The following DPP10 variants were observed in gnomAD, a reference collection of about 807,000 sequenced individuals.
DPP10 encodes the protein dipeptidyl peptidase like 10.
In DPP10, 33 loss-of-function variants were observed where a neutral mutation model predicts 120.9. The observed-to-expected ratio is 0.27, with a 90% confidence interval of 0.21 to 0.37. DPP10 has a LOEUF of 0.37. Among genes scored for constraint, DPP10 ranks in the 10% least tolerant of loss-of-function variants. DPP10 has a pLI of 1.00. For synonymous variants in DPP10, 337 were observed against 326.1 expected (o/e 1.03, Z -0.36); for missense variants, 816 against 942.8 (o/e 0.87, Z 1.76).
In DPP10 at chr2:115,438,756, T is replaced by C. The variant is rs112658410; in HGVS notation, c.272-60754T>C. Among the ~76,000 whole-genome samples the C allele has an allele frequency of 9.4e-5, 14 of 149,098 alleles. No homozygotes were observed. In the East Asian group the frequency reaches 1.4e-3, roughly 15 times the overall value. On this transcript the variant is annotated intron_variant, in intron 3 of 25. Transcript: ENST00000410059. Reference sequence around the variant, plus strand: ...GTCATGGAAGCACAATGTGGAATAGTGGCTAAGATGGTCATGGAAGCACAA... The same window carrying C: ...GTCATGGAAGCACAATGTGGAATAGCGGCTAAGATGGTCATGGAAGCACAA...
chr2:115,689,661 C>A, intron 5 of DPP10, 26 bp from the exon 6 acceptor site: 2 of 1,372,306 alleles, frequency 1.5e-6, no homozygotes, highest in South Asian at 2.6e-5. Flanking sequence ...AAGCTATGAT[C>A]AATAATGTTT....
rs181900956 is a variant in DPP10, at chr2:114,512,561, A to G, written c.60+69723A>G. On this transcript the variant is annotated intron_variant, in intron 1 of 25. Coordinates refer to ENST00000410059, the MANE Select transcript of DPP10 (RefSeq NM_020868.6). ...AAGTTGTTATAAGGATTGTGATACT[A>G]TACAGGAAAGTGCTAAATACCGCAG... is the stretch of plus-strand genomic sequence containing the variant. Among the ~76,000 whole-genome samples the G allele has an allele frequency of 1.9e-4, 29 of 152,358 alleles. No homozygotes were observed. The East Asian group carries it at 5.0e-3, about 26-fold the overall frequency.
At chr2:115,155,483 A>G (rs1460907845) in intron 1 of DPP10, among the ~76,000 whole-genome samples, 1 of 152,222 alleles carries the variant, frequency 6.6e-6, no homozygotes, top group Non-Finnish European at 1.5e-5. Context: ...AAACACTCTT[A>G]TAAGTGTTGC....
intron 3 of DPP10, among the ~76,000 whole-genome samples, chr2:115,367,320 T>A (rs1464743938): frequency 1.3e-5 from 2 of 151,956 alleles, no homozygotes; most frequent in South Asian, 4.1e-4. Context: ...ATGTTGGGAT[T>A]TTTAGTTAAA....
intron 19 of DPP10, among the ~76,000 whole-genome samples, chr2:115,797,364 C>T (rs373635658): frequency 6.6e-6 from 1 of 151,994 alleles, no homozygotes; most frequent in African/African-American, 2.4e-5. Flanking sequence ...AGGATGAAGA[C>T]ATATATATTC....
chr2:114,492,691 G>A lies in DPP10; in HGVS notation c.60+49853G>A, dbSNP rs1442854107. ...GTTAAAAGCAGTTTGCTTTCCATAC[G>A]CAATTCATTATATCAAATTGGATAG... On this transcript the variant is annotated intron_variant, in intron 1 of 25. Coordinates refer to ENST00000410059, the MANE Select transcript of DPP10 (RefSeq NM_020868.6). Among the ~76,000 whole-genome samples the A allele has an allele frequency of 2.0e-5, 3 of 152,094 alleles. 1 individual carries two copies. The highest frequency in any genetic ancestry group is 6.6e-5 in the Admixed American group (1 of 15,254).
intron 1 of DPP10, among the ~76,000 whole-genome samples, chr2:114,584,149 A>AT (rs2105106631): frequency 6.6e-6 from 1 of 152,320 alleles, no homozygotes; most frequent in East Asian, 1.9e-4. Flanking sequence ...CTGAGCATGC[A>AT]TTTTACCCTT....
chr2:114,767,021 A>G (rs1680764634), intron 1 of DPP10, among the ~76,000 whole-genome samples: 1 of 151,228 alleles, frequency 6.6e-6, no homozygotes, highest in Non-Finnish European at 1.5e-5. Context: ...TCAATTTCCT[A>G]GAGCGAAACT....
At chr2:115,289,778 GGAACACTGGATAGCCACAGGTGGAA>G (rs1216335706) in intron 1 of DPP10, among the ~76,000 whole-genome samples, 2 of 152,042 alleles carry the variant, frequency 1.3e-5, no homozygotes, top group Non-Finnish European at 2.9e-5. Flanking sequence ...CTTGGTTCTG[GGAACACTGGATAGCCACAGGTGGAA>G]GAACAAAACT....
intron 1 of DPP10, among the ~76,000 whole-genome samples, chr2:114,584,365 A>G (rs572734473): frequency 2.0e-5 from 3 of 152,154 alleles, no homozygotes; most frequent in East Asian, 3.9e-4. Context: ...ACCTCAGGTC[A>G]CCTGTTACAT....
intron 5 of DPP10, among the ~76,000 whole-genome samples, chr2:115,654,755 A>G (rs1363274823): frequency 6.6e-6 from 1 of 151,822 alleles, no homozygotes; most frequent in Non-Finnish European, 1.5e-5. Flanking sequence ...TAAACCAATC[A>G]ATATCTCTCA....
At chr2:115,432,045 A>G (rs146104229) in intron 3 of DPP10, among the ~76,000 whole-genome samples, 40 of 152,266 alleles carry the variant, frequency 2.6e-4, no homozygotes, top group African/African-American at 8.9e-4. Context: ...GTTAAGCTCT[A>G]TAAATTACCC....
rs770103500 is a variant in DPP10 at position 115,791,328 on chromosome 2, C to G, written c.1672C>G (p.Arg558Gly). ...QLSLPKDFMDRNQYALLLIMD... is the reference protein window; with the variant it reads ...QLSLPKDFMDGNQYALLLIMD... ...GTCCCTTCCCAAAGATTTTATGGAC[C>G]GAAACCAGTATGCTCTTCTGTTAAT... is the stretch of plus-strand genomic sequence containing the variant. Residue 558 changes from arginine to glycine, a missense_variant, in exon 19 of 26, where the codon CGA (arginine) becomes GGA (glycine). Physicochemically the swap from Arg to Gly is moderately radical, Grantham distance 125 (BLOSUM62 -2). This residue lies in a region of DPP10 where 592 missense variants were observed against 649.0 expected (regional missense o/e 0.91). Coordinates refer to ENST00000410059, the MANE Select transcript of DPP10 (RefSeq NM_020868.6). The G allele has an allele frequency of 1.2e-6, 2 of 1,611,072 alleles. No homozygotes were observed. Among genetic ancestry groups the G allele is most frequent in the Non-Finnish European group, 1.7e-6 (2 of 1,179,048 alleles).
intron 1 of DPP10, among the ~76,000 whole-genome samples, chr2:114,525,331 C>A (rs369852189): frequency 1.6e-4 from 25 of 152,238 alleles, no homozygotes; most frequent in Admixed American, 1.4e-3. Context: ...GGTAAAGAGG[C>A]CCTCTTCAGT....
chr2:115,128,643 A>G (rs1220279313), intron 1 of DPP10, among the ~76,000 whole-genome samples: 3 of 152,100 alleles, frequency 2.0e-5, no homozygotes, highest in African/African-American at 7.2e-5. Context: ...GTCTCCTGCT[A>G]ATAGTGAAGA....
At chr2:115,232,198 C>T (rs750762456) in intron 1 of DPP10, among the ~76,000 whole-genome samples, 51 of 152,094 alleles carry the variant, frequency 3.4e-4, no homozygotes, top group Non-Finnish European at 6.2e-4. Context: ...TGGGTCTCTA[C>T]TCCAGCATGA....
At chr2:115,181,767 C>A (rs746851486) in intron 1 of DPP10, among the ~76,000 whole-genome samples, 11 of 152,146 alleles carry the variant, frequency 7.2e-5, no homozygotes, top group Admixed American at 1.3e-4. Flanking sequence ...ACTGTGCAGT[C>A]ATCTCGGATC....
intron 3 of DPP10, among the ~76,000 whole-genome samples, chr2:115,413,150 A>G (rs1163892454): frequency 6.6e-6 from 1 of 152,132 alleles, no homozygotes; most frequent in Non-Finnish European, 1.5e-5. Flanking sequence ...ATCGGACTGG[A>G]GAAGTCCATC....
chr2:115,724,889 G>C (rs1020265376), intron 7 of DPP10, among the ~76,000 whole-genome samples: 1 of 152,126 alleles, frequency 6.6e-6, no homozygotes, highest in African/African-American at 2.4e-5. Context: ...GTAAGACAGA[G>C]TGGGGTGGTG....
Sources: allele counts gnomAD v4.1 joint callset (sites outside exome capture counted in the v4.1 genomes callset), GRCh38; gene constraint gnomAD v4.1.1; regional missense constraint gnomAD v4.1.1; transcripts MANE v1.5; gene names NCBI Gene and HGNC (gene_info 2026-07-23, HGNC 2026-07-21).